Variants in ASIC2 observed in about 807,000 individuals in gnomAD.
The protein encoded by ASIC2 is acid sensing ion channel subunit 2, also known as acid-sensing ion channel 2.
A neutral mutation model predicts 57.3 loss-of-function variants in ASIC2; 25 were observed. The ratio of observed to expected loss-of-function variants is 0.44; its 90% confidence interval spans 0.32 to 0.61. ASIC2 has a LOEUF of 0.61. Among genes scored for constraint, ASIC2 ranks in the 20% least tolerant of loss-of-function variants. The probability of loss-of-function intolerance (pLI) is 0.06; values close to 1 mark genes in which losing one functional copy is unlikely to be tolerated. For synonymous variants in ASIC2, 319 were observed against 307.5 expected (o/e 1.04, Z -0.39); for missense variants, 641 against 738.1 (o/e 0.87, Z 1.52).
At chr17:33,680,022 C>G (rs1907951029) in intron 1 of ASIC2, among the ~76,000 whole-genome samples, 1 of 151,994 alleles carries the variant, frequency 6.6e-6, no homozygotes, top group South Asian at 2.1e-4. Context: ...CTGGGGGGTA[C>G]TGGGATAGGG....
intron 1 of ASIC2, among the ~76,000 whole-genome samples, chr17:33,557,604 G>A (rs1915946816): frequency 6.6e-6 from 1 of 152,270 alleles, no homozygotes; most frequent in East Asian, 1.9e-4. Flanking sequence ...AAGAAGATGA[G>A]CCTTAGAATT....
chr17:33,749,094 C>A (rs1008067897), intron 1 of ASIC2, among the ~76,000 whole-genome samples: 2 of 152,134 alleles, frequency 1.3e-5, no homozygotes, highest in African/African-American at 2.4e-5. Context: ...GGCAGGGGAG[C>A]AGGAAGGTGA....
intron 1 of ASIC2, among the ~76,000 whole-genome samples, chr17:33,836,609 C>G (rs1384543121): frequency 6.6e-6 from 1 of 152,106 alleles, no homozygotes; most frequent in Non-Finnish European, 1.5e-5. Context: ...AATCCCAGCA[C>G]TCTGGGAGGC....
At chr17:33,986,536 C>A (rs145636710) in intron 1 of ASIC2, among the ~76,000 whole-genome samples, 1 of 152,138 alleles carries the variant, frequency 6.6e-6, no homozygotes, top group Non-Finnish European at 1.5e-5. Context: ...CCTGACAATC[C>A]CAAAGTGATG....
chr17:33,941,044 C>T (rs1916181373), intron 1 of ASIC2, among the ~76,000 whole-genome samples: 1 of 152,204 alleles, frequency 6.6e-6, no homozygotes, highest in African/African-American at 2.4e-5. Context: ...GTCAGATGAG[C>T]AGCAGGAAAA....
chr17:33,961,553 C>T (rs999315658), intron 1 of ASIC2, among the ~76,000 whole-genome samples: 1 of 152,170 alleles, frequency 6.6e-6, no homozygotes, highest in African/African-American at 2.4e-5. Context: ...CCTGCATCGT[C>T]CTCACAGGGG....
At chr17:33,584,601 G>A (rs569063953) in intron 1 of ASIC2, among the ~76,000 whole-genome samples, 1 of 152,184 alleles carries the variant, frequency 6.6e-6, no homozygotes, top group East Asian at 1.9e-4. Flanking sequence ...GTTGTACCTG[G>A]AGCAGCCAAC....
intron 1 of ASIC2, among the ~76,000 whole-genome samples, chr17:33,359,943 T>G (rs1356980962): frequency 6.6e-6 from 1 of 152,210 alleles, no homozygotes; most frequent in Non-Finnish European, 1.5e-5. Flanking sequence ...TTCTTTTATA[T>G]TCTATAAAAA....
intron 1 of ASIC2, among the ~76,000 whole-genome samples, chr17:33,572,583 T>C (rs1310155419): frequency 6.6e-6 from 1 of 152,174 alleles, no homozygotes; most frequent in Admixed American, 6.5e-5. Flanking sequence ...AGGGGAGTTC[T>C]GAAACTGAAG....
chr17:33,974,279 G>A (rs1232740771), intron 1 of ASIC2, among the ~76,000 whole-genome samples: 3 of 152,124 alleles, frequency 2.0e-5, no homozygotes, highest in African/African-American at 7.2e-5. Context: ...AAGTCTCAGT[G>A]TCTTCAGCTA....
rs1317149126 is a variant in ASIC2 at position 33,190,145 on chromosome 17, A to G, written c.709-78078T>C. Among the ~76,000 whole-genome samples, 10 of 152,310 alleles carry G rather than the reference A, an allele frequency of 6.6e-5. No homozygotes were observed. The South Asian group carries it at 1.9e-3, about 28-fold the overall frequency. The stretch of plus-strand genomic sequence containing the variant: ...TCATCTACATAAAAAATCCTAAAGA[A>G]TTTATTTAAAAGTTACCAAAACTAA... On this transcript the variant is annotated intron_variant, in intron 1 of 9. Coordinates refer to ENST00000225823, the MANE Select transcript of ASIC2 (RefSeq NM_183377.2).
intron 1 of ASIC2, among the ~76,000 whole-genome samples, chr17:33,439,910 T>C (rs1911765698): frequency 1.3e-5 from 2 of 152,190 alleles, no homozygotes; most frequent in Admixed American, 6.5e-5. Context: ...CGAGCGTGCA[T>C]GCAAGTCAAA....
At chr17:33,970,942 C>A (rs1350606269) in intron 1 of ASIC2, among the ~76,000 whole-genome samples, 1 of 152,124 alleles carries the variant, frequency 6.6e-6, no homozygotes, top group East Asian at 1.9e-4. Flanking sequence ...TTCAGTCCTG[C>A]AAAAGAGGTA....
At chr17:33,938,634 A>G (rs1425182067) in intron 1 of ASIC2, among the ~76,000 whole-genome samples, 7 of 152,252 alleles carry the variant, frequency 4.6e-5, no homozygotes, top group Middle Eastern at 3.4e-3. Context: ...TATTTGCCCA[A>G]GGCAAACAAT....
chr17:33,147,638 G>T (rs1904614275), intron 1 of ASIC2, among the ~76,000 whole-genome samples: 2 of 152,108 alleles, frequency 1.3e-5, no homozygotes, highest in Non-Finnish European at 2.9e-5. Flanking sequence ...TAATCTTTCT[G>T]TGTTTGTGCC....
rs939513265 is a variant in ASIC2 at position 33,066,256 on chromosome 17, G to T, written c.987+22607C>A. On this transcript the variant is annotated intron_variant, in intron 3 of 9. Coordinates refer to ENST00000225823, the MANE Select transcript of ASIC2 (RefSeq NM_183377.2). ...GAGAGAACAACTTGGAACACATCTG[G>T]GTGAAGACTTTTAAAAACTGTGATA... Among the ~76,000 whole-genome samples, 4 of 152,140 alleles carry T rather than the reference G, an allele frequency of 2.6e-5. No individual in the cohort carries two copies. In the East Asian group the frequency reaches 7.7e-4, roughly 29 times the overall value.
chr17:33,500,400 C>T (rs568938506), intron 1 of ASIC2, among the ~76,000 whole-genome samples: 3 of 152,290 alleles, frequency 2.0e-5, no homozygotes, highest in East Asian at 1.9e-4. Context: ...TTTTGATTGG[C>T]CCACTCAAGA....
At chr17:33,118,800 C>T in intron 1 of ASIC2, among the ~76,000 whole-genome samples, 1 of 152,116 alleles carries the variant, frequency 6.6e-6, no homozygotes, top group East Asian at 1.9e-4. Context: ...TCGAAGCCTT[C>T]TGTTTGCACA....
chr17:33,967,565 G>A (rs994180859), intron 1 of ASIC2, among the ~76,000 whole-genome samples: 1 of 152,116 alleles, frequency 6.6e-6, no homozygotes, highest in African/African-American at 2.4e-5. Flanking sequence ...AACTTTGAAG[G>A]TGGCTCAAAA....
Sources: allele counts gnomAD v4.1 joint callset (sites outside exome capture counted in the v4.1 genomes callset), GRCh38; gene constraint gnomAD v4.1.1; transcripts MANE v1.5; gene names NCBI Gene and HGNC (gene_info 2026-07-23, HGNC 2026-07-21).